Variants in CDH18 observed in about 807,000 individuals in gnomAD.
CDH18 encodes the protein cadherin 18.
A neutral mutation model predicts 67.9 loss-of-function variants in CDH18; 31 were observed. The observed-to-expected ratio is 0.46, with a 90% CI of 0.34 to 0.62. The LOEUF (loss-of-function observed/expected upper bound fraction) is 0.62. Among genes scored for constraint, CDH18 ranks in the 20% least tolerant of loss-of-function variants. The pLI, the probability that CDH18 is intolerant of heterozygous loss-of-function variation, is 0.01. For synonymous variants in CDH18, 362 were observed against 347.2 expected, an observed-to-expected ratio of 1.04 and a Z score of -0.48; for missense variants, 890 against 975.5, an observed-to-expected ratio of 0.91 and a Z score of 1.17.
Position 19,555,210 on chromosome 5 carries a change from C to T in CDH18, c.1254-11205G>A, listed in dbSNP as rs548291650. Reference sequence around the variant, plus strand: ...CAACAGAGCAGCATGTGGAGACCCACACTGTGAACTTTTGCTCCAAGAACT... The same window carrying T: ...CAACAGAGCAGCATGTGGAGACCCATACTGTGAACTTTTGCTCCAAGAACT... On this transcript the variant is annotated intron_variant, in intron 8 of 12. Coordinates refer to ENST00000382275, the MANE Select transcript of CDH18 (RefSeq NM_004934.5). Among the ~76,000 whole-genome samples the T allele has an allele frequency of 2.0e-5, 3 of 152,292 alleles. No homozygotes were observed. The East Asian group carries it at 5.8e-4, about 30-fold the overall frequency.
At chr5:20,474,077 T>G (rs1173155495) in intron 1 of CDH18, among the ~76,000 whole-genome samples, 1 of 152,198 alleles carries the variant, frequency 6.6e-6, no homozygotes, top group Admixed American at 6.5e-5. Context: ...TACATTTATT[T>G]GTTTAATCTA....
intron 2 of CDH18, among the ~76,000 whole-genome samples, chr5:20,043,451 C>T (rs1740625685): frequency 6.6e-6 from 1 of 152,162 alleles, no homozygotes; most frequent in African/African-American, 2.4e-5. Flanking sequence ...TGGCTCCACA[C>T]CAGGCCATAG....
At chr5:19,778,682 G>A (rs566913013) in intron 3 of CDH18, among the ~76,000 whole-genome samples, 4 of 152,218 alleles carry the variant, frequency 2.6e-5, no homozygotes, top group South Asian at 4.1e-4. Context: ...ATTGTGCAAA[G>A]TCAAACTAAT....
rs144904473 is a variant in CDH18, at chr5:19,621,458, C to T, written c.644-8857G>A. 3.4e-3 allele frequency among the ~76,000 whole-genome samples: 511 copies of T among 152,076 alleles called. 2 individuals are homozygous for T. Among genetic ancestry groups the T allele is most frequent in the Middle Eastern group, 0.024 (7 of 294 alleles). ...GTGTTGTTGATTATCTTTTTATATA[C>T]CTGTTGTCCACATCCAATAGAATTA... On this transcript the variant is annotated intron_variant, in intron 5 of 12. Transcript: ENST00000382275.
intron 2 of CDH18, among the ~76,000 whole-genome samples, chr5:19,873,726 C>A (rs1050864170): frequency 3.9e-5 from 6 of 152,106 alleles, no homozygotes; most frequent in African/African-American, 1.4e-4. Context: ...TGGCTCACTG[C>A]AACCTCTGCC....
chr5:20,419,536 C>G (rs994542060), intron 1 of CDH18, among the ~76,000 whole-genome samples: 21 of 125,680 alleles, frequency 1.7e-4, no homozygotes, highest in Admixed American at 4.8e-4. Context: ...AGTGCAGTGG[C>G]AAGATCTCGG....
chr5:19,638,136 G>T (rs1753433027), intron 5 of CDH18, among the ~76,000 whole-genome samples: 1 of 152,094 alleles, frequency 6.6e-6, no homozygotes, highest in Admixed American at 6.5e-5. Flanking sequence ...TACATAACAA[G>T]TCGACAGTAA....
chr5:19,564,101 T>TG (rs1202629943), intron 8 of CDH18, among the ~76,000 whole-genome samples: 2 of 152,184 alleles, frequency 1.3e-5, no homozygotes, highest in Non-Finnish European at 2.9e-5. Flanking sequence ...CCCACCACTG[T>TG]GGGCTAAAGC....
At chr5:20,241,335 T>C (rs1383739140) in intron 2 of CDH18, among the ~76,000 whole-genome samples, 1 of 152,156 alleles carries the variant, frequency 6.6e-6, no homozygotes, top group African/African-American at 2.4e-5. Flanking sequence ...GCTTCAAGCA[T>C]ATATTCTTCA....
chr5:20,356,404 A>G (rs1347578979), intron 1 of CDH18, among the ~76,000 whole-genome samples: 2 of 152,042 alleles, frequency 1.3e-5, no homozygotes, highest in Admixed American at 1.3e-4. Flanking sequence ...CAAAACCACC[A>G]CAACAACAAA....
In CDH18 at chr5:19,955,675, T is replaced by A. The variant is rs149796565; in HGVS notation, c.-257+25385A>T. Among the ~76,000 whole-genome samples the A allele has an allele frequency of 4.1e-3, 630 of 152,128 alleles. 4 individuals carry two copies. The highest frequency in any genetic ancestry group is 0.014 in the African/African-American group (595 of 41,506). Reference sequence around the variant, plus strand: ...GGACATTCCTAGTTGCTAAAGAATTTAATGAAATATGTAGATAGATAGCAA... The same window carrying A: ...GGACATTCCTAGTTGCTAAAGAATTAAATGAAATATGTAGATAGATAGCAA... On this transcript the variant is annotated intron_variant, in intron 2 of 12. Coordinates refer to ENST00000382275, the MANE Select transcript of CDH18 (RefSeq NM_004934.5).
rs62355183 is a variant in CDH18 at position 20,496,573 on chromosome 5, G to A, written c.-580+78889C>T. On this transcript the variant is annotated intron_variant, in intron 1 of 14. Transcript: ENST00000507958. Reference sequence around the variant, plus strand: ...ATTCATTTTTTTGAGATGGAGTCTCGCTCTGTCGCCAATATACTAATGAGG... The same window carrying A: ...ATTCATTTTTTTGAGATGGAGTCTCACTCTGTCGCCAATATACTAATGAGG... Among the ~76,000 whole-genome samples the A allele has an allele frequency of 6.3e-3, 957 of 152,088 alleles. 16 individuals carry two copies. The highest frequency in any genetic ancestry group is 0.039 in the South Asian group (186 of 4,822).
chr5:19,974,330 G>A (rs1342325734), intron 2 of CDH18, among the ~76,000 whole-genome samples: 1 of 151,700 alleles, frequency 6.6e-6, no homozygotes, highest in African/African-American at 2.4e-5. Context: ...TCAGGAGTTC[G>A]AGACTAGCCT....
chr5:19,952,045 T>A (rs1009205319), intron 2 of CDH18, among the ~76,000 whole-genome samples: 4 of 152,052 alleles, frequency 2.6e-5, no homozygotes, highest in Non-Finnish European at 5.9e-5. Context: ...TTCCAATTTA[T>A]TTTATTTATT....
intron 2 of CDH18, among the ~76,000 whole-genome samples, chr5:20,151,404 G>A (rs1174355378): frequency 3.9e-5 from 6 of 152,066 alleles, no homozygotes; most frequent in Admixed American, 6.6e-5. Flanking sequence ...GGGCACCTAG[G>A]TTTATTCCAT....
chr5:19,677,625 A>G (rs1759680006), intron 5 of CDH18, among the ~76,000 whole-genome samples: 1 of 151,970 alleles, frequency 6.6e-6, no homozygotes, highest in Admixed American at 6.6e-5. Flanking sequence ...GGCAAGTTGA[A>G]TGAAGAAGCA....
intron 4 of CDH18, among the ~76,000 whole-genome samples, chr5:19,739,490 C>T (rs1011069998): frequency 4.6e-5 from 7 of 152,172 alleles, no homozygotes; most frequent in South Asian, 2.1e-4. Context: ...ATGACTACAG[C>T]GCAATGTATG....
chr5:19,713,744 T>G (rs1320236451), intron 5 of CDH18, among the ~76,000 whole-genome samples: 1 of 152,116 alleles, frequency 6.6e-6, no homozygotes, highest in African/African-American at 2.4e-5. Context: ...TCATTTTGAT[T>G]CCCCCAAATA....
chr5:19,782,549 A>C (rs1391166484), intron 3 of CDH18, among the ~76,000 whole-genome samples: 1 of 152,132 alleles, frequency 6.6e-6, no homozygotes, highest in Non-Finnish European at 1.5e-5. Context: ...TATGTAATGA[A>C]AAGACGTATA....
Sources: gnomAD v4.1 joint callset for allele counts (sites outside exome capture counted in the v4.1 genomes callset) on GRCh38, gnomAD v4.1.1 for gene constraint, MANE v1.5 for transcripts, NCBI Gene and HGNC (gene_info 2026-07-23, HGNC 2026-07-21) for gene names.